Variants in SCN8A observed in about 807,000 individuals in gnomAD.
SCN8A encodes sodium channel protein type 8 subunit alpha.
Under a neutral mutation model 184.1 loss-of-function variants are expected in SCN8A, and 30 were observed. The observed-to-expected ratio is 0.16, with a 90% CI of 0.12 to 0.22. The LOEUF (loss-of-function observed/expected upper bound fraction) is 0.22. Among genes scored for constraint, SCN8A ranks in the 10% least tolerant of loss-of-function variants. SCN8A has a pLI of 1.00. For missense variants in SCN8A, 1,057 were observed against 2,498.9 expected, an observed-to-expected ratio of 0.42 and a Z score of 12.30; for synonymous variants, 852 against 907.0, an observed-to-expected ratio of 0.94 and a Z score of 1.09.
intron 12 of SCN8A, chr12:51,723,193 G>A (rs966317959): frequency 2.6e-5 from 4 of 152,186 alleles, no homozygotes; most frequent in Non-Finnish European, 5.9e-5. Context: ...TTATTTAAAA[G>A]CAAAATACAG....
chr12:51,692,269 C>G (rs954349244), intron 6 of SCN8A, among the ~76,000 whole-genome samples: 4 of 152,286 alleles, frequency 2.6e-5, no homozygotes, highest in Admixed American at 2.6e-4. Flanking sequence ...TCCTAGAGCA[C>G]TCACCCACCC....
At chr12:51,772,363 C>G (rs988529406) in intron 19 of SCN8A, among the ~76,000 whole-genome samples, 1 of 150,034 alleles carries the variant, frequency 6.7e-6, no homozygotes, top group Non-Finnish European at 1.5e-5. Flanking sequence ...CCATTGCACT[C>G]CAGCCTGGGC....
rs1555228752 is a variant in SCN8A at position 51,789,287 on chromosome 12, G to T, written c.4288G>T (p.Glu1430Ter). ...YAAVDSRKPD[E>*]QPKYEDNIYM... ...TTATCCTGTCCTTTGACAGCCTGAT[G>T]AGCAGCCTAAGTATGAGGACAATAT... The change falls in exon 24 of 27, where the codon GAG (glutamate) becomes TAG (stop). Residue 1430 changes from glutamate (E) to a stop codon, truncating the protein, a stop_gained. Transcript: ENST00000627620. LOFTEE classifies it high-confidence loss of function. 1.9e-6 allele frequency: 3 copies of T among 1,613,804 alleles called. No homozygotes were observed. The South Asian group carries it at 3.3e-5, about 18-fold the overall frequency.
intron 1 of SCN8A, among the ~76,000 whole-genome samples, chr12:51,598,951 A>G (rs1939406565): frequency 6.6e-6 from 1 of 152,188 alleles, no homozygotes; most frequent in Non-Finnish European, 1.5e-5. Context: ...AGTAAAATTT[A>G]TATTCTAATT....
intron 2 of SCN8A, among the ~76,000 whole-genome samples, chr12:51,678,841 G>T (rs1941271750): frequency 6.6e-6 from 1 of 152,208 alleles, no homozygotes; most frequent in African/African-American, 2.4e-5. Flanking sequence ...ACTTTGGGAG[G>T]CTGAGGCAGG....
At chr12:51,683,102 C>T (rs989393608) in intron 2 of SCN8A, among the ~76,000 whole-genome samples, 6 of 152,320 alleles carry the variant, frequency 3.9e-5, no homozygotes, top group Middle Eastern at 6.8e-3. Flanking sequence ...TCTCTCCCTC[C>T]TGCTGCCTCT....
At chr12:51,708,631 T>C (rs1941822628) in intron 11 of SCN8A, among the ~76,000 whole-genome samples, 1 of 152,214 alleles carries the variant, frequency 6.6e-6, no homozygotes, top group Admixed American at 6.5e-5. Context: ...CTTATTCATT[T>C]CAGGGGATGA....
chr12:51,774,084 G>T, intron 19 of SCN8A, 105 bp from the exon 20 acceptor site: 1 of 902,508 alleles, frequency 1.1e-6, no homozygotes, highest in Non-Finnish European at 1.7e-6. Flanking sequence ...ACAGGGAGCT[G>T]ATGACAGGCC....
Position 51,686,809 on chromosome 12 carries a change from A to G in SCN8A, c.486-282A>G, listed in dbSNP as rs1220759551. Among the ~76,000 whole-genome samples the G allele has an allele frequency of 3.9e-5, 6 of 152,036 alleles. No homozygotes were observed. The East Asian group carries it at 1.2e-3, about 29-fold the overall frequency. On this transcript the variant is annotated intron_variant, in intron 4 of 26. Coordinates refer to ENST00000627620, the MANE Select transcript of SCN8A (RefSeq NM_001330260.2). ...AAAAACAGCTCTGGGGGGCCTCCTT[A>G]CCTTCTTCAAAATGATCATGTACTA...
intron 11 of SCN8A, chr12:51,712,833 A>T: frequency 1.6e-6 from 2 of 1,262,506 alleles, no homozygotes; most frequent in Middle Eastern, 1.9e-4. Context: ...CTCCATAACT[A>T]CCTCTGCTGC....
At chr12:51,794,289 G>T in intron 25 of SCN8A, 82 bp from the exon 26 acceptor site, 1 of 1,406,932 alleles carries the variant, frequency 7.1e-7, no homozygotes, top group South Asian at 1.3e-5. Context: ...AGGGTACCTC[G>T]ATTAGCAGGG....
At chr12:51,607,032 G>A (rs955887791) in intron 1 of SCN8A, among the ~76,000 whole-genome samples, 4 of 151,830 alleles carry the variant, frequency 2.6e-5, no homozygotes, top group African/African-American at 9.7e-5. Context: ...CAAGTAGCTG[G>A]GATTACAGGG....
At chr12:51,684,352 TC>T in intron 3 of SCN8A, 60 bp downstream of exon 3, 1 of 843,520 alleles carries the variant, frequency 1.2e-6, no homozygotes. Context: ...TGTTTACCTT[TC>T]CAATATTTGA....
At chr12:51,766,587 C>T (rs1401036665) in intron 16 of SCN8A, among the ~76,000 whole-genome samples, 1 of 152,196 alleles carries the variant, frequency 6.6e-6, no homozygotes, top group Non-Finnish European at 1.5e-5. Context: ...AGAGCCACTG[C>T]TCTAAACCAT....
At position 51,704,910 on chromosome 12, in the gene SCN8A, G is replaced by T. The variant is rs373203293; in HGVS notation, c.1135-507G>T. 9.9e-5 allele frequency among the ~76,000 whole-genome samples: 15 copies of T among 152,208 alleles called. No homozygotes were observed. The South Asian group carries it at 1.7e-3, about 17-fold the overall frequency. ...GAATCGCTTGAACCTGGGAGGCAGAGGTTGCAGTGAGCCAAGATCGTGCCA... is the reference window on the plus strand; with the variant it reads ...GAATCGCTTGAACCTGGGAGGCAGATGTTGCAGTGAGCCAAGATCGTGCCA... On this transcript the variant is annotated intron_variant, in intron 9 of 26. Transcript: ENST00000627620.
chr12:51,786,919 G>A (rs1938103089), intron 22 of SCN8A, 93 bp downstream of exon 22: 1 of 1,210,878 alleles, frequency 8.3e-7, no homozygotes, highest in Admixed American at 2.5e-5. Flanking sequence ...CCTACTTCTA[G>A]AATCAGGATT....
Position 51,688,714 on chromosome 12 carries a change from G to A in SCN8A, c.615-291G>A, listed in dbSNP as rs553857771. On this transcript the variant is annotated intron_variant, in intron 5 of 26. Transcript: ENST00000627620. ...TTCTTCCCCCCATTCTCAAACCCTC[G>A]CCCAGTGGTACCATTACAAGTTAAC... 3.1e-4 allele frequency: 432 copies of A among 1,397,720 alleles called. 7 individuals are homozygous for A. The South Asian group carries it at 4.8e-3, about 15-fold the overall frequency. 86.6% of individuals were successfully genotyped at this position (1,397,720 alleles called of 1,614,324 possible).
At chr12:51,606,852 A>G (rs1939604022) in intron 1 of SCN8A, among the ~76,000 whole-genome samples, 2 of 146,488 alleles carry the variant, frequency 1.4e-5, no homozygotes, top group Non-Finnish European at 3.0e-5. Flanking sequence ...ATTTTATTTT[A>G]TTTTGTGGCT....
chr12:51,652,264 TAGTC>T (rs1465388630), intron 1 of SCN8A, among the ~76,000 whole-genome samples: 1 of 152,146 alleles, frequency 6.6e-6, no homozygotes, highest in Non-Finnish European at 1.5e-5. Context: ...CTTCCTCTTT[TAGTC>T]AGTCAACAAA....
Sources: allele counts gnomAD v4.1 joint callset (sites outside exome capture counted in the v4.1 genomes callset), GRCh38; gene constraint gnomAD v4.1.1; transcripts MANE v1.5; gene names NCBI Gene and HGNC (gene_info 2026-07-23, HGNC 2026-07-21).